NINL: variants seen among roughly 807,000 people sequenced by gnomAD.
NINL encodes the protein ninein like, also known as ninein-like protein.
A neutral mutation model predicts 160.3 loss-of-function variants in NINL; 153 were observed. The observed-to-expected ratio is 0.95, with a 90% CI of 0.84 to 1.09. The LOEUF is 1.09. Among genes scored for constraint, NINL ranks in the 50% least tolerant of loss-of-function variants. The pLI, the probability that NINL is intolerant of heterozygous loss-of-function variation, is 0.00. For missense variants in NINL, 1,829 were observed against 1,764.0 expected (o/e 1.04, Z -0.66); for synonymous variants, 800 against 734.8 (o/e 1.09, Z -1.43).
chr20:25,523,682 G>A (rs539249093), intron 2 of NINL, among the ~76,000 whole-genome samples: 3 of 152,070 alleles, frequency 2.0e-5, no homozygotes, highest in East Asian at 1.9e-4. Context: ...TTGCTCTGTC[G>A]CCCAGGCTGG....
Position 25,489,276 on chromosome 20 carries a change from C to G in NINL, c.1645G>C (p.Ala549Pro), listed in dbSNP as rs1468127852. ...ELLAQEERFAAVLKEYELKCR... is the reference protein window; with the variant it reads ...ELLAQEERFAPVLKEYELKCR... ...TTGAGCTCGTATTCCTTCAGGACTG[C>G]TGCGAACCGCTCCTCCTGGGCCAGG... The change falls in exon 13 of 24, where the codon GCA becomes CCA. Residue 549 changes from alanine to proline, a missense_variant. Physicochemically the swap from Ala to Pro is conservative, Grantham distance 27 (BLOSUM62 -1). Transcript: ENST00000278886. The G allele has an allele frequency of 6.2e-7, 1 of 1,614,014 alleles. No homozygotes were observed. The highest frequency in any genetic ancestry group is 1.3e-5 in the African/African-American group (1 of 74,916).
chr20:25,546,039 T>C (rs1054071595), intron 1 of NINL, among the ~76,000 whole-genome samples: 4 of 151,640 alleles, frequency 2.6e-5, no homozygotes, highest in Non-Finnish European at 4.4e-5. Flanking sequence ...TGGAGTGCAG[T>C]GTACTAATGT....
chr20:25,576,590 C>T (rs1247463669), intron 1 of NINL, among the ~76,000 whole-genome samples: 1 of 152,116 alleles, frequency 6.6e-6, no homozygotes, highest in Non-Finnish European at 1.5e-5. Context: ...TCTCAAGTAG[C>T]TTGAACCACA....
At chr20:25,568,004 T>C (rs1403648952) in intron 1 of NINL, among the ~76,000 whole-genome samples, 2 of 151,868 alleles carry the variant, frequency 1.3e-5, no homozygotes, top group African/African-American at 4.8e-5. Context: ...TAATTTCAGC[T>C]TCCAGCTCAA....
intron 1 of NINL, among the ~76,000 whole-genome samples, chr20:25,547,813 G>C (rs1019681107): frequency 6.6e-6 from 1 of 152,190 alleles, no homozygotes; most frequent in African/African-American, 2.4e-5. Flanking sequence ...CTGGCACTCT[G>C]TTGATGAAGC....
chr20:25,510,869 G>A (rs1601187925), intron 4 of NINL, 129 bp from the exon 5 acceptor site: 2 of 712,952 alleles, frequency 2.8e-6, no homozygotes, highest in East Asian at 5.2e-5. Flanking sequence ...ATCCCTCAGA[G>A]GAAAAGCCCA....
At chr20:25,457,237 T>G (rs1255967894) in intron 22 of NINL, among the ~76,000 whole-genome samples, 2 of 152,134 alleles carry the variant, frequency 1.3e-5, no homozygotes, top group African/African-American at 4.8e-5. Flanking sequence ...GGGAGGGGAA[T>G]TGCTTGAACA....
chr20:25,510,901 G>GC (rs1236378098), intron 4 of NINL, among the ~76,000 whole-genome samples, 161 bp from the exon 5 acceptor site: 1 of 152,194 alleles, frequency 6.6e-6, no homozygotes, highest in East Asian at 1.9e-4. Flanking sequence ...GGGCTGCCCT[G>GC]CATGCCAGCT....
intron 15 of NINL, 29 bp downstream of exon 15, chr20:25,480,132 A>C (rs1053599726): frequency 1.3e-6 from 2 of 1,531,938 alleles, no homozygotes; most frequent in South Asian, 2.2e-5. Context: ...CTACTCCCCC[A>C]GGGCCCCACA....
chr20:25,510,714 C>G lies in NINL; in HGVS notation c.477G>C (p.Glu159Asp), dbSNP rs759247901. 2 of 1,613,914 alleles carry G rather than the reference C, an allele frequency of 1.2e-6. No homozygotes were observed. Among genetic ancestry groups the G allele is most frequent in the Non-Finnish European group, 1.7e-6 (2 of 1,179,976 alleles). Reference sequence around the variant, plus strand: ...ATTCATTCTGAGCTTCTTTAGTGCTCTCGGCCTCTTCATCTGACTTGGGAC... The same window carrying G: ...ATTCATTCTGAGCTTCTTTAGTGCTGTCGGCCTCTTCATCTGACTTGGGAC... ...VESPKSDEEA[E>D]STKEAQNELF... Residue 159 changes from glutamate to aspartate, a missense_variant, in exon 5 of 24, where the codon GAG becomes GAC. Transcript: ENST00000278886.
At chr20:25,502,594 G>A (rs1172758949) in intron 7 of NINL, among the ~76,000 whole-genome samples, 1 of 152,196 alleles carries the variant, frequency 6.6e-6, no homozygotes, top group Non-Finnish European at 1.5e-5. Context: ...TGTAATCCCC[G>A]ATGTTGGAGG....
chr20:25,565,039 G>C (rs2064984719), intron 1 of NINL, among the ~76,000 whole-genome samples: 1 of 152,162 alleles, frequency 6.6e-6, no homozygotes, highest in South Asian at 2.1e-4. Context: ...CAATCTTTCA[G>C]GGTAGGGGCA....
intron 1 of NINL, among the ~76,000 whole-genome samples, chr20:25,536,643 TG>T (rs1332576251): frequency 6.6e-6 from 1 of 151,608 alleles, no homozygotes; most frequent in Non-Finnish European, 1.5e-5. Flanking sequence ...TGCTTGAGCC[TG>T]GGGGGCAGAG....
intron 1 of NINL, among the ~76,000 whole-genome samples, chr20:25,530,463 T>A (rs1050578515): frequency 2.0e-5 from 3 of 152,050 alleles, no homozygotes; most frequent in African/African-American, 7.2e-5. Flanking sequence ...TTCTCTTACA[T>A]CACCTCCTGC....
At chr20:25,550,201 C>T (rs943108933) in intron 1 of NINL, among the ~76,000 whole-genome samples, 2 of 152,302 alleles carry the variant, frequency 1.3e-5, no homozygotes, top group African/African-American at 4.8e-5. Flanking sequence ...AGCAACATAG[C>T]GAGACTGTCT....
Position 25,526,607 on chromosome 20 carries a change from G to C in NINL, c.-11-9C>G, listed in dbSNP as rs531858754. On this transcript the variant is annotated splice_polypyrimidine_tract_variant and intron_variant, in intron 1 of 23. Transcript: ENST00000278886. Reference sequence around the variant, plus strand: ...ATCCATCCCATAGCAGGCTGGCAGTGTGCAAGGGAAGAAGAAAACATCAGG... The same window carrying C: ...ATCCATCCCATAGCAGGCTGGCAGTCTGCAAGGGAAGAAGAAAACATCAGG... 3.8e-5 allele frequency: 61 copies of C among 1,606,712 alleles called. No individual in the cohort carries two copies. Among genetic ancestry groups the C allele is most frequent in the Non-Finnish European group, 5.1e-5 (60 of 1,174,094 alleles).
chr20:25,560,492 C>T (rs553332316), intron 1 of NINL, among the ~76,000 whole-genome samples: 4 of 152,324 alleles, frequency 2.6e-5, no homozygotes, highest in South Asian at 2.1e-4. Flanking sequence ...ATCTGTGCCA[C>T]GATGGGCACA....
chr20:25,539,914 C>T, intron 1 of NINL: 1 of 511,784 alleles, frequency 2.0e-6, no homozygotes, highest in South Asian at 1.7e-5. Context: ...ATTCATCCAG[C>T]ACTGCCACTG....
Position 25,461,594 on chromosome 20 carries a change from C to G in NINL, c.3624G>C (p.Leu1208=). 6.2e-7 allele frequency: 1 copy of G among 1,611,028 alleles called. No individual in the cohort carries two copies. The highest frequency in any genetic ancestry group is 8.5e-7 in the Non-Finnish European group (1 of 1,179,064). The change falls in exon 21 of 24, where the codon CTG becomes CTC. Residue 1208 remains leucine, a synonymous_variant. Coordinates refer to ENST00000278886, the MANE Select transcript of NINL (RefSeq NM_025176.6). ...IQKLRVELEC[L]NQEHQSLQLP... is the part of the protein sequence containing the mutation. ...GCTGCAGGCTCTGATGTTCCTGATT[C>G]AGGCATTCAAGTTCAACTCTAAGTT...
Sources: allele counts gnomAD v4.1 joint callset (sites outside exome capture counted in the v4.1 genomes callset), GRCh38; gene constraint gnomAD v4.1.1; transcripts MANE v1.5; gene names NCBI Gene and HGNC (gene_info 2026-07-23, HGNC 2026-07-21).